The following DLGAP2 variants were observed in gnomAD, a reference collection of about 807,000 sequenced individuals.
The protein encoded by DLGAP2 is DLG associated protein 2, also known as disks large-associated protein 2.
Under a neutral mutation model 100.3 loss-of-function variants are expected in DLGAP2, and 26 were observed. That is an observed-to-expected ratio of 0.26 (90% confidence interval 0.19 to 0.36). The LOEUF (loss-of-function observed/expected upper bound fraction) is 0.36. DLGAP2 is among the 10% of genes least tolerant of loss of function. DLGAP2 has a pLI of 1.00. For missense variants in DLGAP2, 1,858 were observed against 1,453.2 expected, an observed-to-expected ratio of 1.28 and a Z score of -4.53; for synonymous variants, 886 against 630.1, an observed-to-expected ratio of 1.41 and a Z score of -6.08.
At chr8:1,451,482 C>A (rs761896461) in intron 3 of DLGAP2, among the ~76,000 whole-genome samples, 1 of 148,266 alleles carries the variant, frequency 6.7e-6, no homozygotes, top group Non-Finnish European at 1.5e-5. Flanking sequence ...CCCTGTCCCG[C>A]CTTGATCCTT....
At chr8:867,144 G>A (rs1797513997) in intron 1 of DLGAP2, among the ~76,000 whole-genome samples, 1 of 152,220 alleles carries the variant, frequency 6.6e-6, no homozygotes, top group African/African-American at 2.4e-5. Context: ...AGACTTCTCA[G>A]TTCAGACACG....
intron 2 of DLGAP2, among the ~76,000 whole-genome samples, chr8:1,175,683 T>G (rs1478614245): frequency 6.6e-6 from 1 of 152,204 alleles, no homozygotes; most frequent in African/African-American, 2.4e-5. Flanking sequence ...TGTCAAACTT[T>G]TAGGGGTTAG....
intron 2 of DLGAP2, among the ~76,000 whole-genome samples, chr8:951,370 A>C (rs1436861297): frequency 6.6e-6 from 1 of 151,940 alleles, no homozygotes; most frequent in Non-Finnish European, 1.5e-5. Flanking sequence ...TCAGCCTCCC[A>C]AGTAGCCAGG....
At chr8:1,231,228 C>G (rs1798528417) in intron 2 of DLGAP2, among the ~76,000 whole-genome samples, 1 of 151,954 alleles carries the variant, frequency 6.6e-6, no homozygotes, top group Non-Finnish European at 1.5e-5. Flanking sequence ...TCAAAAAACC[C>G]ACGAAAAAAT....
intron 2 of DLGAP2, among the ~76,000 whole-genome samples, chr8:983,303 C>T (rs1427148855): frequency 3.3e-5 from 5 of 151,374 alleles, no homozygotes; most frequent in Non-Finnish European, 7.4e-5. Context: ...TTCTTCTGTC[C>T]CTTAGAATCC....
At chr8:1,049,154 G>T (rs190295226) in intron 2 of DLGAP2, among the ~76,000 whole-genome samples, 1 of 152,330 alleles carries the variant, frequency 6.6e-6, no homozygotes, top group Non-Finnish European at 1.5e-5. Flanking sequence ...ACGACGACTG[G>T]TGTCTCTGAG....
chr8:920,464 A>G (rs138102208), intron 2 of DLGAP2, among the ~76,000 whole-genome samples: 1,536 of 152,358 alleles, frequency 0.01, 27 homozygotes, highest in African/African-American at 0.035. Flanking sequence ...AAGCAAATCT[A>G]AAAACAATTC....
At chr8:1,179,262 G>A (rs946042440) in intron 2 of DLGAP2, among the ~76,000 whole-genome samples, 5 of 152,230 alleles carry the variant, frequency 3.3e-5, no homozygotes, top group African/African-American at 1.2e-4. Context: ...GGCCTTAGAT[G>A]CAGAGTGGGG....
At chr8:1,309,889 G>C (rs1276082183) in intron 3 of DLGAP2, among the ~76,000 whole-genome samples, 2 of 152,198 alleles carry the variant, frequency 1.3e-5, no homozygotes, top group African/African-American at 4.8e-5. Flanking sequence ...GAGGTCAGGA[G>C]TTCAAGACCA....
rs900601761 is a variant in DLGAP2 at position 1,186,363 on chromosome 8, T to A, written c.74-72488T>A. Among the ~76,000 whole-genome samples the A allele has an allele frequency of 2.0e-5, 3 of 152,210 alleles. No individual in the cohort carries two copies. In the East Asian group the frequency reaches 5.8e-4, roughly 29 times the overall value. On this transcript the variant is annotated intron_variant, in intron 2 of 14. Transcript: ENST00000637795. ...TATTCTAACCAGCATCGACATAGAATCTGCCAGCAGCAAAACTGTGACCAG... is the reference window on the plus strand; with the variant it reads ...TATTCTAACCAGCATCGACATAGAAACTGCCAGCAGCAAAACTGTGACCAG...
intron 8 of DLGAP2, among the ~76,000 whole-genome samples, chr8:1,639,686 C>G (rs887088394): frequency 2.0e-5 from 3 of 152,234 alleles, no homozygotes; most frequent in African/African-American, 7.2e-5. Flanking sequence ...GGTTAGAAGT[C>G]TAAAGTAGGT....
chr8:1,683,477 C>G (rs1422362673), intron 12 of DLGAP2, among the ~76,000 whole-genome samples: 3 of 151,324 alleles, frequency 2.0e-5, no homozygotes, highest in African/African-American at 2.4e-5. Context: ...TTCCCCATAC[C>G]CTGGGGGATG....
At chr8:1,606,904 C>G (rs1796818134) in intron 6 of DLGAP2, among the ~76,000 whole-genome samples, 1 of 152,184 alleles carries the variant, frequency 6.6e-6, no homozygotes, top group Non-Finnish European at 1.5e-5. Context: ...AGGCTAGTCT[C>G]AAACTCCTAA....
At chr8:805,522 G>T (rs1296298700) in intron 1 of DLGAP2, among the ~76,000 whole-genome samples, 1 of 152,162 alleles carries the variant, frequency 6.6e-6, no homozygotes, top group Non-Finnish European at 1.5e-5. Flanking sequence ...TCGCAATCGG[G>T]TTGCATTTCA....
chr8:1,412,250 C>G (rs1464563062), intron 3 of DLGAP2, among the ~76,000 whole-genome samples: 1 of 152,234 alleles, frequency 6.6e-6, no homozygotes, highest in Non-Finnish European at 1.5e-5. Context: ...GCCTCCTGCT[C>G]TGAGCGCTAG....
intron 2 of DLGAP2, among the ~76,000 whole-genome samples, chr8:1,218,841 C>A (rs536396442): frequency 6.6e-6 from 1 of 152,254 alleles, no homozygotes; most frequent in South Asian, 2.1e-4. Flanking sequence ...AGATCTTTCA[C>A]CACCTGGTTA....
intron 2 of DLGAP2, among the ~76,000 whole-genome samples, chr8:1,006,690 A>G (rs1322634519): frequency 1.8e-5 from 2 of 112,354 alleles, no homozygotes; most frequent in African/African-American, 3.7e-5. Context: ...CTGCGTCTCA[A>G]GTCTCGGGAT....
At chr8:1,332,075 A>G (rs912109295) in intron 3 of DLGAP2, among the ~76,000 whole-genome samples, 27 of 152,292 alleles carry the variant, frequency 1.8e-4, no homozygotes, top group African/African-American at 6.3e-4. Context: ...AGGGGTTTCC[A>G]TGGCCTGGCA....
intron 2 of DLGAP2, among the ~76,000 whole-genome samples, chr8:1,076,950 C>T (rs1247804794): frequency 6.8e-6 from 1 of 146,274 alleles, no homozygotes; most frequent in Non-Finnish European, 1.5e-5. Flanking sequence ...CCCGGGCCCC[C>T]CAAGACCAAG....
Sources: gnomAD v4.1 joint callset for allele counts (sites outside exome capture counted in the v4.1 genomes callset) on GRCh38, gnomAD v4.1.1 for gene constraint, MANE v1.5 for transcripts, NCBI Gene and HGNC (gene_info 2026-07-23, HGNC 2026-07-21) for gene names.